ZNF385B: variants seen among roughly 807,000 people sequenced by gnomAD.
ZNF385B encodes zinc finger protein 533.
ZNF385B carries 23 observed loss-of-function variants against 39.2 expected under a neutral mutation model. That is an observed-to-expected ratio of 0.59 (90% CI 0.42 to 0.83). The LOEUF is 0.83. ZNF385B is among the 40% of genes least tolerant of loss of function. The pLI, the probability that ZNF385B is intolerant of heterozygous loss-of-function variation, is 0.00. For missense variants in ZNF385B, 552 were observed against 598.9 expected (o/e 0.92, Z 0.82); for synonymous variants, 205 against 222.6 (o/e 0.92, Z 0.70).
chr2:179,556,070 G>A (rs918470284), intron 3 of ZNF385B, among the ~76,000 whole-genome samples: 1 of 148,788 alleles, frequency 6.7e-6, no homozygotes, highest in South Asian at 2.2e-4. Flanking sequence ...TACACAAAAC[G>A]ATGAATCTTT....
intron 5 of ZNF385B, among the ~76,000 whole-genome samples, chr2:179,514,420 C>T (rs1389403858): frequency 6.6e-6 from 1 of 152,192 alleles, no homozygotes; most frequent in Admixed American, 6.5e-5. Flanking sequence ...ATTCCATCTA[C>T]TACCTTAATT....
intron 3 of ZNF385B, among the ~76,000 whole-genome samples, chr2:179,663,325 T>C (rs898566495): frequency 1.3e-5 from 2 of 152,198 alleles, no homozygotes; most frequent in African/African-American, 4.8e-5. Context: ...GTCTACAGGT[T>C]TATGATTTTA....
intron 3 of ZNF385B, among the ~76,000 whole-genome samples, chr2:179,701,427 ACTGTTCAT>A (rs2106364938): frequency 6.6e-6 from 1 of 152,298 alleles, no homozygotes; most frequent in East Asian, 1.9e-4. Context: ...TAGAAACTAA[ACTGTTCAT>A]CTTCACAACA....
chr2:179,481,775 A>C (rs1225101817), intron 6 of ZNF385B, among the ~76,000 whole-genome samples: 2 of 152,216 alleles, frequency 1.3e-5, no homozygotes, highest in Admixed American at 6.5e-5. Context: ...GATATCCTGC[A>C]TTAAACGAAA....
At chr2:179,625,257 T>C (rs1690555616) in intron 3 of ZNF385B, among the ~76,000 whole-genome samples, 1 of 152,142 alleles carries the variant, frequency 6.6e-6, no homozygotes, top group African/African-American at 2.4e-5. Flanking sequence ...ATGTAACTGA[T>C]ATGCAGTCTT....
In ZNF385B at chr2:179,560,816, A is replaced by G. The variant is rs554673971; in HGVS notation, c.299-15847T>C. On this transcript the variant is annotated intron_variant, in intron 3 of 9. Coordinates refer to ENST00000410066, the MANE Select transcript of ZNF385B (RefSeq NM_152520.6). ...GTCATTTGCCTTATTTTGCAACTAC[A>G]TTGTATTAGTTTTCTTTTTAATATT... Among the ~76,000 whole-genome samples, 49 of 152,308 alleles carry G rather than the reference A, an allele frequency of 3.2e-4. 1 individual carries two copies. Among genetic ancestry groups the G allele is most frequent in the African/African-American group, 1.2e-3 (48 of 41,562 alleles).
At chr2:179,722,018 A>T (rs146447315) in intron 3 of ZNF385B, among the ~76,000 whole-genome samples, 3,133 of 152,218 alleles carry the variant, frequency 0.021, 101 homozygotes, top group African/African-American at 0.069. Context: ...ATTTAACAAG[A>T]TGAATACAAA....
chr2:179,585,046 A>G (rs905329423), intron 3 of ZNF385B, among the ~76,000 whole-genome samples: 69 of 152,264 alleles, frequency 4.5e-4, no homozygotes, highest in African/African-American at 1.6e-3. Context: ...TTAGGAAGAC[A>G]TTGGTGACCT....
At chr2:179,631,480 T>C (rs1245143157) in intron 3 of ZNF385B, among the ~76,000 whole-genome samples, 3 of 152,194 alleles carry the variant, frequency 2.0e-5, no homozygotes, top group Non-Finnish European at 4.4e-5. Context: ...TGAGAGATTC[T>C]GTCACCACCA....
intron 5 of ZNF385B, among the ~76,000 whole-genome samples, chr2:179,500,280 A>C (rs2056636349): frequency 2.0e-5 from 3 of 152,136 alleles, no homozygotes; most frequent in Admixed American, 6.6e-5. Flanking sequence ...ATTTATATGC[A>C]ATCACAAAAG....
chr2:179,823,107 C>T (rs1230926404), intron 1 of ZNF385B, among the ~76,000 whole-genome samples: 3 of 152,008 alleles, frequency 2.0e-5, no homozygotes, highest in South Asian at 4.1e-4. Context: ...AAGTTCTAGC[C>T]GAAAAAATAT....
chr2:179,729,141 A>C (rs1701215060), intron 3 of ZNF385B, among the ~76,000 whole-genome samples: 3 of 119,736 alleles, frequency 2.5e-5, no homozygotes, highest in Non-Finnish European at 1.9e-5. Flanking sequence ...AAAAAAAAAA[A>C]AAAAAACCAA....
intron 1 of ZNF385B, among the ~76,000 whole-genome samples, chr2:179,856,954 T>G (rs951195812): frequency 2.0e-5 from 3 of 152,192 alleles, no homozygotes; most frequent in African/African-American, 7.2e-5. Context: ...CCAAGTCTGT[T>G]AAGCATCATC....
intron 6 of ZNF385B, among the ~76,000 whole-genome samples, chr2:179,479,331 C>T (rs2053747576): frequency 6.6e-6 from 1 of 152,044 alleles, no homozygotes; most frequent in Admixed American, 6.6e-5. Flanking sequence ...CCATGATATC[C>T]CGAAATTTTT....
intron 3 of ZNF385B, among the ~76,000 whole-genome samples, chr2:179,566,394 T>C (rs560273143): frequency 6.6e-6 from 1 of 152,326 alleles, no homozygotes; most frequent in East Asian, 1.9e-4. Flanking sequence ...AACCCTACTA[T>C]AAGGGGTCTT....
chr2:179,593,010 A>G (rs1406432497), intron 3 of ZNF385B, among the ~76,000 whole-genome samples: 1 of 152,112 alleles, frequency 6.6e-6, no homozygotes, highest in Non-Finnish European at 1.5e-5. Context: ...ACCCACCATA[A>G]AAAGTTACTG....
intron 5 of ZNF385B, 24 bp downstream of exon 5, chr2:179,518,504 G>T (rs753263911): frequency 3.3e-6 from 5 of 1,495,274 alleles, no homozygotes; most frequent in Non-Finnish European, 4.6e-6. Flanking sequence ...AAACTACAGA[G>T]AATAATGAAA....
chr2:179,852,381 A>G (rs1020643861), intron 1 of ZNF385B, among the ~76,000 whole-genome samples: 2 of 152,216 alleles, frequency 1.3e-5, no homozygotes, highest in African/African-American at 4.8e-5. Context: ...GGTTACAAAA[A>G]TACGGTGAGT....
intron 3 of ZNF385B, among the ~76,000 whole-genome samples, chr2:179,616,283 G>A (rs1372932281): frequency 6.6e-6 from 1 of 152,112 alleles, no homozygotes; most frequent in Admixed American, 6.5e-5. Flanking sequence ...AGTAATACAA[G>A]GATATCTACA....
Sources: gnomAD v4.1 joint callset for allele counts (sites outside exome capture counted in the v4.1 genomes callset) on GRCh38, gnomAD v4.1.1 for gene constraint, MANE v1.5 for transcripts, NCBI Gene and HGNC (gene_info 2026-07-23, HGNC 2026-07-21) for gene names.